MROH2B: variants seen among roughly 807,000 people sequenced by gnomAD.
MROH2B encodes the protein maestro heat like repeat family member 2B, also known as maestro heat-like repeat-containing protein family member 2B.
In MROH2B, 177 loss-of-function variants were observed where a neutral mutation model predicts 208.6. The ratio of observed to expected loss-of-function variants is 0.85; its 90% CI spans 0.75 to 0.96. The LOEUF is 0.96. MROH2B is among the 40% of genes least tolerant of loss of function. The pLI, the probability that MROH2B is intolerant of heterozygous loss-of-function variation, is 0.00. For missense variants in MROH2B, 2,002 were observed against 1,878.7 expected (o/e 1.07, Z -1.21); for synonymous variants, 728 against 659.0 (o/e 1.10, Z -1.60).
chr5:41,031,791 T>C (rs1009204699), intron 24 of MROH2B, among the ~76,000 whole-genome samples: 1 of 152,124 alleles, frequency 6.6e-6, no homozygotes, highest in African/African-American at 2.4e-5. Context: ...TTTGTGTCCA[T>C]GTCTACTCAG....
At chr5:41,038,945 T>A (rs986819713) in intron 20 of MROH2B, 57 bp from the exon 21 acceptor site, 1 of 1,511,772 alleles carries the variant, frequency 6.6e-7, no homozygotes, top group Non-Finnish European at 8.9e-7. Context: ...CTATTTTCTC[T>A]CATGTTTTTT....
chr5:41,014,376 G>A lies in MROH2B; in HGVS notation c.2982+1005C>T, dbSNP rs1042710125. On this transcript the variant is annotated intron_variant, in intron 29 of 41. Transcript: ENST00000399564. ...ACTGCATGTTCTCACTCATAGGTGG[G>A]AATTGAACAATGAGAACACATGGAC... 5.3e-4 allele frequency among the ~76,000 whole-genome samples: 80 copies of A among 152,092 alleles called. 1 individual carries two copies. Among genetic ancestry groups the A allele is most frequent in the African/African-American group, 1.8e-3 (75 of 41,400 alleles).
intron 39 of MROH2B, 153 bp downstream of exon 39, chr5:41,000,067 T>G (rs1376176): frequency 1.0e-6 from 1 of 1,001,000 alleles, no homozygotes; most frequent in Non-Finnish European, 1.5e-6. Context: ...TACCTCTATG[T>G]CACTATATCC....
intron 13 of MROH2B, among the ~76,000 whole-genome samples, chr5:41,050,233 T>C (rs1457332002): frequency 6.6e-6 from 1 of 152,238 alleles, no homozygotes; most frequent in African/African-American, 2.4e-5. Flanking sequence ...AAAATTTTCA[T>C]TGGTTTATCA....
In MROH2B at chr5:41,017,851, T is replaced by G. The variant is rs930496913; in HGVS notation, c.2883A>C (p.Lys961Asn). ...ASSTIGLFYIKGIHLEVERLQ... is the reference protein window; with the variant it reads ...ASSTIGLFYINGIHLEVERLQ... The stretch of plus-strand genomic sequence containing the variant: ...GTGGGTTCCCCATCTTTCCCTCACC[T>G]TTTATATAGAACAGACCAATAGTTG... The change falls in exon 28 of 42, where the codon AAA becomes AAC. Residue 961 changes from lysine to asparagine, a missense_variant and splice_region_variant. Physicochemically the swap from Lys to Asn is moderately conservative, Grantham distance 94. Transcript: ENST00000399564. 5 of 1,587,982 alleles carry G rather than the reference T, an allele frequency of 3.1e-6. No homozygotes were observed. The highest frequency in any genetic ancestry group is 4.3e-6 in the Non-Finnish European group (5 of 1,168,070).
intron 17 of MROH2B, 52 bp from the exon 18 acceptor site, chr5:41,045,905 C>G: frequency 7.6e-7 from 1 of 1,323,050 alleles, no homozygotes; most frequent in Non-Finnish European, 1.1e-6. Context: ...CATGTGCTTT[C>G]TTGGCATATT....
intron 24 of MROH2B, among the ~76,000 whole-genome samples, chr5:41,026,429 A>G (rs981200526): frequency 6.6e-6 from 1 of 152,212 alleles, no homozygotes; most frequent in Non-Finnish European, 1.5e-5. Flanking sequence ...GTGAACTCCC[A>G]TTCACAATTG....
At chr5:41,029,929 C>T (rs1034022498) in intron 24 of MROH2B, among the ~76,000 whole-genome samples, 2 of 151,940 alleles carry the variant, frequency 1.3e-5, no homozygotes, top group African/African-American at 4.8e-5. Context: ...CAAACCTGCA[C>T]ATGTACTCCC....
At chr5:41,045,677 G>A in intron 18 of MROH2B, 69 bp downstream of exon 18, 1 of 1,137,912 alleles carries the variant, frequency 8.8e-7, no homozygotes, top group Non-Finnish European at 1.3e-6. Context: ...ATACAGACAA[G>A]ATGGAGCTAG....
intron 22 of MROH2B, among the ~76,000 whole-genome samples, chr5:41,033,519 G>A (rs1473787539): frequency 2.0e-5 from 3 of 152,036 alleles, no homozygotes; most frequent in African/African-American, 2.4e-5. Flanking sequence ...GTACTCTGTT[G>A]TTTCACTAAA....
chr5:41,000,491 C>T (rs1354997616), intron 38 of MROH2B, 140 bp from the exon 39 acceptor site: 12 of 1,349,538 alleles, frequency 8.9e-6, no homozygotes, highest in Non-Finnish European at 1.2e-5. Flanking sequence ...TGGCACCTTC[C>T]CAGTTTCAAG....
At chr5:41,018,853 T>G in intron 25 of MROH2B, 30 bp downstream of exon 25, 3 of 1,613,812 alleles carry the variant, frequency 1.9e-6, no homozygotes, top group Non-Finnish European at 2.5e-6. Context: ...CTGCAGACTG[T>G]CATCCTACTT....
chr5:41,018,871 A>C lies in MROH2B; in HGVS notation c.2577+12T>G, dbSNP rs146611159. The C allele has an allele frequency of 4.5e-4, 720 of 1,613,878 alleles. No individual in the cohort carries two copies. In the East Asian group the frequency reaches 8.3e-3, roughly 19 times the overall value. ...CAGACTGTCATCCTACTTAGGCCTC[A>C]CTAGTGCATACTTGAATGTGCTCCT... On this transcript the variant is annotated intron_variant, in intron 25 of 41. Transcript: ENST00000399564.
intron 7 of MROH2B, 111 bp from the exon 8 acceptor site, chr5:41,057,471 T>C (rs1234895207): frequency 5.2e-6 from 4 of 763,752 alleles, no homozygotes; most frequent in Middle Eastern, 2.8e-4. Flanking sequence ...CTCATCTTCC[T>C]GCAGTTACAA....
chr5:41,002,436 C>A (rs1006648050), intron 37 of MROH2B, among the ~76,000 whole-genome samples: 3 of 152,122 alleles, frequency 2.0e-5, no homozygotes, highest in African/African-American at 4.8e-5. Context: ...TCTGTTCTAC[C>A]ATTTCATTCA....
intron 11 of MROH2B, among the ~76,000 whole-genome samples, chr5:41,052,879 T>C (rs969585574): frequency 6.6e-6 from 1 of 152,224 alleles, no homozygotes; most frequent in African/African-American, 2.4e-5. Flanking sequence ...GCATTTTCTT[T>C]GAGCATGACC....
intron 17 of MROH2B, among the ~76,000 whole-genome samples, chr5:41,046,484 A>C (rs1470391491): frequency 6.6e-6 from 1 of 151,822 alleles, no homozygotes; most frequent in Non-Finnish European, 1.5e-5. Flanking sequence ...TATATATATT[A>C]TCTCTCCTAT....
At chr5:41,066,084 TTTTATG>T (rs1743804890) in intron 3 of MROH2B, among the ~76,000 whole-genome samples, 1 of 152,134 alleles carries the variant, frequency 6.6e-6, no homozygotes. Context: ...AAGACTTACA[TTTTATG>T]TTTAAGTGAT....
chr5:41,045,657 T>C, intron 18 of MROH2B, 89 bp downstream of exon 18: 2 of 916,630 alleles, frequency 2.2e-6, no homozygotes, highest in Non-Finnish European at 3.5e-6. Flanking sequence ...CCTCCCTCCC[T>C]TTGATTGTGA....
Sources: gnomAD v4.1 joint callset for allele counts (sites outside exome capture counted in the v4.1 genomes callset) on GRCh38, gnomAD v4.1.1 for gene constraint, MANE v1.5 for transcripts, NCBI Gene and HGNC (gene_info 2026-07-23, HGNC 2026-07-21) for gene names.